The following PTPRD variants were observed in gnomAD, a reference collection of about 807,000 sequenced individuals.
The protein encoded by PTPRD is receptor-type tyrosine-protein phosphatase delta.
In PTPRD, 34 loss-of-function variants were observed where a neutral mutation model predicts 214.5. That is an observed-to-expected ratio of 0.16 (90% CI 0.12 to 0.21). The LOEUF (loss-of-function observed/expected upper bound fraction) is 0.21. Ranked by LOEUF, PTPRD falls within the 10% of genes least tolerant of loss-of-function variation. PTPRD has a pLI of 1.00. For synonymous variants in PTPRD, 1,128 were observed against 845.7 expected (o/e 1.33, Z -5.79); for missense variants, 2,545 against 2,398.7 (o/e 1.06, Z -1.27).
chr9:9,719,427 A>G (rs190050762), intron 7 of PTPRD, among the ~76,000 whole-genome samples: 146 of 152,256 alleles, frequency 9.6e-4, no homozygotes, highest in Non-Finnish European at 1.6e-3. Context: ...CACAGGATTG[A>G]AGAGTGGTGA....
chr9:10,080,079 A>C lies in PTPRD; in HGVS notation c.-544-46289T>G, dbSNP rs370590930. Among the ~76,000 whole-genome samples the C allele has an allele frequency of 9.2e-5, 14 of 152,248 alleles. No homozygotes were observed. In the East Asian group the frequency reaches 1.4e-3, roughly 15 times the overall value. On this transcript the variant is annotated intron_variant, in intron 3 of 45. Coordinates refer to ENST00000381196, the MANE Select transcript of PTPRD (RefSeq NM_002839.4). Reference sequence around the variant, plus strand: ...CAAACACAAATAGAGAAGAAGGGGAAAATTCCACTAATGGTCTAAGTAAAA... The same window carrying C: ...CAAACACAAATAGAGAAGAAGGGGACAATTCCACTAATGGTCTAAGTAAAA...
chr9:10,369,999 A>G (rs1565596238), intron 2 of PTPRD, among the ~76,000 whole-genome samples: 1 of 152,090 alleles, frequency 6.6e-6, no homozygotes, highest in South Asian at 2.1e-4. Flanking sequence ...TGTCATAGCC[A>G]TATTATGATG....
intron 10 of PTPRD, among the ~76,000 whole-genome samples, chr9:9,122,531 T>C (rs1030473737): frequency 1.3e-5 from 2 of 152,196 alleles, no homozygotes; most frequent in East Asian, 3.9e-4. Flanking sequence ...GGGTTTTATT[T>C]TGGACTCCTC....
chr9:10,136,488 G>T (rs1040013128), intron 3 of PTPRD, among the ~76,000 whole-genome samples: 2 of 152,018 alleles, frequency 1.3e-5, no homozygotes, highest in African/African-American at 4.8e-5. Flanking sequence ...TAATGATAAA[G>T]CAAGTCTAAA....
At chr9:10,078,181 C>A (rs2098166601) in intron 3 of PTPRD, among the ~76,000 whole-genome samples, 1 of 151,378 alleles carries the variant, frequency 6.6e-6, no homozygotes, top group South Asian at 2.1e-4. Flanking sequence ...TATCTTATAC[C>A]AATAATTATG....
chr9:10,139,833 C>T (rs1415156887), intron 3 of PTPRD, among the ~76,000 whole-genome samples: 1 of 150,988 alleles, frequency 6.6e-6, no homozygotes, highest in Non-Finnish European at 1.5e-5. Context: ...AACTGGCTAG[C>T]CATATGCAGA....
chr9:9,694,922 G>A (rs112427554), intron 7 of PTPRD, among the ~76,000 whole-genome samples: 51 of 152,228 alleles, frequency 3.4e-4, no homozygotes, highest in Non-Finnish European at 5.1e-4. Context: ...GCCTGGACTC[G>A]GACTCCCAAG....
chr9:9,279,447 G>A (rs1946870487), intron 9 of PTPRD, among the ~76,000 whole-genome samples: 1 of 149,588 alleles, frequency 6.7e-6, no homozygotes, highest in Non-Finnish European at 1.5e-5. Context: ...AGAAGATAAA[G>A]CCATATGCAA....
intron 9 of PTPRD, among the ~76,000 whole-genome samples, chr9:9,221,323 G>C (rs903197794): frequency 6.6e-6 from 1 of 152,046 alleles, no homozygotes; most frequent in African/African-American, 2.4e-5. Flanking sequence ...GGTTACACTG[G>C]CTTCCTAATT....
At chr9:8,419,246 A>AG (rs948265523) in intron 35 of PTPRD, among the ~76,000 whole-genome samples, 12 of 151,386 alleles carry the variant, frequency 7.9e-5, no homozygotes, top group African/African-American at 2.9e-4. Flanking sequence ...AAAAAAAAAA[A>AG]AAAAGAAAAG....
chr9:9,379,974 G>A (rs1391190723), intron 9 of PTPRD, among the ~76,000 whole-genome samples: 2 of 151,940 alleles, frequency 1.3e-5, no homozygotes, highest in African/African-American at 4.8e-5. Flanking sequence ...TTGCAACAAA[G>A]ATATTTTCAT....
intron 7 of PTPRD, among the ~76,000 whole-genome samples, chr9:9,690,219 T>C (rs990266184): frequency 2.6e-5 from 4 of 151,970 alleles, no homozygotes; most frequent in Non-Finnish European, 5.9e-5. Flanking sequence ...AGTTTTGATT[T>C]GTATTTCTCT....
intron 11 of PTPRD, among the ~76,000 whole-genome samples, chr9:9,008,914 T>G (rs1329152444): frequency 6.6e-6 from 1 of 152,174 alleles, no homozygotes; most frequent in African/African-American, 2.4e-5. Flanking sequence ...AAGATAAATT[T>G]TATATCATTG....
chr9:9,672,204 A>G (rs2096844804), intron 7 of PTPRD, among the ~76,000 whole-genome samples: 1 of 152,216 alleles, frequency 6.6e-6, no homozygotes, highest in Non-Finnish European at 1.5e-5. Flanking sequence ...ATTCCATATT[A>G]AAACCACAAT....
At chr9:10,554,188 C>T (rs189910887) in intron 2 of PTPRD, among the ~76,000 whole-genome samples, 1 of 152,080 alleles carries the variant, frequency 6.6e-6, no homozygotes, top group Admixed American at 6.6e-5. Context: ...CTCTACTGTT[C>T]CTTGCCCTTA....
intron 10 of PTPRD, among the ~76,000 whole-genome samples, chr9:9,051,801 T>C (rs1156721611): frequency 6.6e-6 from 1 of 152,192 alleles, no homozygotes; most frequent in African/African-American, 2.4e-5. Flanking sequence ...AAGGTGCTTA[T>C]ACCAAATTCA....
intron 2 of PTPRD, among the ~76,000 whole-genome samples, chr9:10,457,134 CACATATCTTAA>C (rs1178466308): frequency 2.6e-5 from 4 of 151,916 alleles, no homozygotes. Context: ...TCCTGACGTG[CACATATCTTAA>C]ATGTAGAGCT....
intron 11 of PTPRD, among the ~76,000 whole-genome samples, chr9:8,797,890 T>C (rs1215189190): frequency 6.6e-6 from 1 of 151,926 alleles, no homozygotes; most frequent in Admixed American, 6.6e-5. Flanking sequence ...TTTTCATTTT[T>C]AGAGAGTCTT....
At chr9:10,013,445 T>A (rs182151434) in intron 4 of PTPRD, among the ~76,000 whole-genome samples, 43 of 152,054 alleles carry the variant, frequency 2.8e-4, no homozygotes, top group Non-Finnish European at 1.6e-4. Context: ...ATATAGGTAC[T>A]CCTTATTTCC....
Sources: gnomAD v4.1 joint callset for allele counts (sites outside exome capture counted in the v4.1 genomes callset) on GRCh38, gnomAD v4.1.1 for gene constraint, MANE v1.5 for transcripts, NCBI Gene and HGNC (gene_info 2026-07-23, HGNC 2026-07-21) for gene names.